The following CD163L1 variants were observed in gnomAD, a reference collection of about 807,000 sequenced individuals.
The protein encoded by CD163L1 is CD163 molecule like 1, also known as scavenger receptor cysteine-rich type 1 protein M160.
A neutral mutation model predicts 165.4 loss-of-function variants in CD163L1; 124 were observed. The observed-to-expected ratio is 0.75, with a 90% CI of 0.65 to 0.87. CD163L1 has a LOEUF of 0.87. CD163L1 is among the 40% of genes least tolerant of loss of function. The pLI, the probability that CD163L1 is intolerant of heterozygous loss-of-function variation, is 0.00. For synonymous variants in CD163L1, 585 were observed against 662.2 expected, an observed-to-expected ratio of 0.88 and a Z score of 1.79; for missense variants, 1,525 against 1,799.9, an observed-to-expected ratio of 0.85 and a Z score of 2.76.
Position 7,374,728 on chromosome 12 carries a change from C to T in CD163L1, c.3123G>A (p.Gly1041=), listed in dbSNP as rs1947225362. 6.2e-7 allele frequency: 1 copy of T among 1,613,818 alleles called. No homozygotes were observed. Among genetic ancestry groups the T allele is most frequent in the Non-Finnish European group, 8.5e-7 (1 of 1,179,810 alleles). The stretch of plus-strand genomic sequence containing the variant: ...CTACTCTCCCGGCACAGCGGCTGTC[C>T]CCATCCACTAGGCGGAGCCGTTTGT... The part of the protein sequence containing the change: ...LEDKRLRLVD[G]DSRCAGRVEI... The change falls in exon 13 of 20, where the codon GGG becomes GGA. Residue 1041 remains glycine, a synonymous_variant. Coordinates refer to ENST00000313599, the MANE Select transcript of CD163L1 (RefSeq NM_174941.6). This position sits in a 1 kb window ranked among gnomAD's most constrained non-coding sequence, Gnocchi z 5.4.
Position 7,359,470 on chromosome 12 carries a change from A to G in CD163L1, c.4280-1984T>C, listed in dbSNP as rs117612886. On this transcript the variant is annotated intron_variant, in intron 18 of 19. Coordinates refer to ENST00000313599, the MANE Select transcript of CD163L1 (RefSeq NM_174941.6). ...GAGGGAGTATAATATTTAGTGTGAA[A>G]AAAAGAACCATCAACTTAGAATTCT... 3.6e-3 allele frequency among the ~76,000 whole-genome samples: 552 copies of G among 152,240 alleles called. 2 individuals are homozygous for G. Among genetic ancestry groups the G allele is most frequent in the Non-Finnish European group, 4.5e-3 (307 of 67,984 alleles).
chr12:7,343,748 A>G (rs1946651688), downstream of CD163L1, among the ~76,000 whole-genome samples: 1 of 152,166 alleles, frequency 6.6e-6, no homozygotes, highest in Non-Finnish European at 1.5e-5. Context: ...TGGGTGGGAC[A>G]AATATCCAAA....
rs980378270 is a variant in CD163L1, at chr12:7,369,288, G to T, written c.4039+69C>A. 1.3e-6 allele frequency: 2 copies of T among 1,484,984 alleles called. No individual in the cohort carries two copies. The highest frequency in any genetic ancestry group is 1.8e-5 in the Admixed American group (1 of 55,918). The allele number at this position is 1,484,984 out of a possible 1,614,324, so 92.0% of individuals were successfully genotyped here. A position where few individuals can be genotyped will look rare whatever the true frequency, so the allele number is the denominator to read the frequency against. On this transcript the variant is annotated intron_variant, in intron 15 of 19. Coordinates refer to ENST00000313599, the MANE Select transcript of CD163L1 (RefSeq NM_174941.6). The surrounding 1 kb of genome is among the most constrained non-coding windows in gnomAD (Gnocchi z 4.9). ...GTATCTTCAGCTCAACTCTCTGAGT[G>T]AGCCTGTTTCCCAGTGTTCTCTACC...
rs758167991 is a variant in CD163L1, at chr12:7,403,650, A to G, written c.1293T>C (p.Ile431=). ...CAGTGCAAGATATGCTGTTTATCCA[A>G]ATGTCTCTAGCTTCATTACTAGGTT... ...RAKPSNEARD[I]WINSISCTGN... is the part of the protein sequence containing the mutation. Residue 431 remains isoleucine, a synonymous_variant, in exon 6 of 20, where the codon ATT becomes ATC. Coordinates refer to ENST00000313599, the MANE Select transcript of CD163L1 (RefSeq NM_174941.6). 5 of 1,613,880 alleles carry G rather than the reference A, an allele frequency of 3.1e-6. No homozygotes were observed. In the African/African-American group the frequency reaches 4.0e-5, roughly 13 times the overall value.
At position 7,368,028 on chromosome 12, in the gene CD163L1, C is replaced by A; in HGVS notation, c.4183+59G>T. ...CTTCCATTCTGCAAGAATCCCCCAT[C>A]CTGTGTGCCCTTGGTGGCAGGTAAC... On this transcript the variant is annotated intron_variant, in intron 17 of 19. Coordinates refer to ENST00000313599, the MANE Select transcript of CD163L1 (RefSeq NM_174941.6). This position sits in a 1 kb window ranked among gnomAD's most constrained non-coding sequence, Gnocchi z 4.3. The A allele has an allele frequency of 1.0e-6, 1 of 962,296 alleles. No homozygotes were observed. Among genetic ancestry groups the A allele is most frequent in the Admixed American group, 1.8e-5 (1 of 56,252 alleles). The allele number at this position is 962,296 out of a possible 1,614,324, so 59.6% of individuals were successfully genotyped here. A position where few individuals can be genotyped will look rare whatever the true frequency, so the allele number is the denominator to read the frequency against.
At chr12:7,389,146 G>A (rs921465367) in intron 8 of CD163L1, among the ~76,000 whole-genome samples, 2 of 152,148 alleles carry the variant, frequency 1.3e-5, no homozygotes, top group African/African-American at 4.8e-5. Flanking sequence ...GAATCACATG[G>A]TAGCCCAATT....
intron 11 of CD163L1, among the ~76,000 whole-genome samples, 153 bp from the exon 12 acceptor site, chr12:7,375,076 G>A (rs186678026): frequency 1.9e-4 from 29 of 152,180 alleles, no homozygotes; most frequent in East Asian, 1.5e-3. Context: ...ATGTCTACTC[G>A]TAAATCCCAA....
In CD163L1 at chr12:7,433,540, A is replaced by T. The variant is rs1240644880; in HGVS notation, c.279T>A (p.Phe93Leu). Residue 93 changes from phenylalanine (F) to leucine (L), a missense_variant, in exon 3 of 20, where the codon TTT (phenylalanine) becomes TTA (leucine). Phe to Leu is a conservative substitution (Grantham distance 22). Transcript: ENST00000313599. The part of the protein sequence containing the change: ...TVVCKQLGCP[F>L]SFAMFRFGQA... Reference sequence around the variant, plus strand: ...GTCCAAAACGAAACATGGCGAAAGAAAATGGACATCCAAGCTGTTTGCACA... The same window carrying T: ...GTCCAAAACGAAACATGGCGAAAGATAATGGACATCCAAGCTGTTTGCACA... 6.2e-7 allele frequency: 1 copy of T among 1,614,220 alleles called. No homozygotes were observed. Among genetic ancestry groups the T allele is most frequent in the Admixed American group, 1.7e-5 (1 of 60,014 alleles).
At chr12:7,443,765 G>A (rs1565823316) in intron 1 of CD163L1, among the ~76,000 whole-genome samples, 1 of 152,092 alleles carries the variant, frequency 6.6e-6, no homozygotes. Flanking sequence ...AGCATTTACT[G>A]TAGTACCTGG....
Position 7,368,803 on chromosome 12 carries a change from G to T in CD163L1, c.4072+130C>A. The stretch of plus-strand genomic sequence containing the variant: ...AGTCACAGAGCTATTGATACCACTG[G>T]CTGCGACCCACAGACTCATATTTCT... On this transcript the variant is annotated intron_variant, in intron 16 of 19. Transcript: ENST00000313599. This position sits in a 1 kb window ranked among gnomAD's most constrained non-coding sequence, Gnocchi z 4.3. 1 of 980,766 alleles carries T rather than the reference G, an allele frequency of 1.0e-6. No individual in the cohort carries two copies. Among genetic ancestry groups the T allele is most frequent in the Non-Finnish European group, 1.6e-6 (1 of 623,304 alleles). The allele number at this position is 980,766 out of a possible 1,614,324, so 60.8% of individuals were successfully genotyped here. A position where few individuals can be genotyped will look rare whatever the true frequency, so the allele number is the denominator to read the frequency against.
chr12:7,437,964 T>A (rs1329738351), intron 2 of CD163L1, among the ~76,000 whole-genome samples: 1 of 152,126 alleles, frequency 6.6e-6, no homozygotes, highest in African/African-American at 2.4e-5. Flanking sequence ...ATGACTATTT[T>A]ACTTCTCCAT....
At chr12:7,380,413 G>GTATA (rs766925899) in intron 8 of CD163L1, among the ~76,000 whole-genome samples, 5 of 151,224 alleles carry the variant, frequency 3.3e-5, no homozygotes, top group African/African-American at 1.2e-4. Context: ...ATGTATGTGT[G>GTATA]TATATATATA....
chr12:7,421,486 T>TATATACATATATATACATATAC (rs1565810131), intron 4 of CD163L1, among the ~76,000 whole-genome samples: 1 of 105,036 alleles, frequency 9.5e-6, no homozygotes, highest in Admixed American at 9.6e-5. Context: ...TATATGTACA[T>TATATACATATATATACATATAC]ATATACATAT....
chr12:7,328,951 A>G, the CD163L1 span, among the ~76,000 whole-genome samples: 1 of 149,188 alleles, frequency 6.7e-6, no homozygotes, highest in Non-Finnish European at 1.5e-5. Context: ...ATATGTATAT[A>G]TACTGTATAT....
rs1765418314 is a variant in CD163L1, at chr12:7,396,264, T to C, written c.1881A>G (p.Pro627=). The C allele has an allele frequency of 6.2e-7, 1 of 1,614,194 alleles. No individual in the cohort carries two copies. Among genetic ancestry groups the C allele is most frequent in the South Asian group, 1.1e-5 (1 of 91,088 alleles). Reference sequence around the variant, plus strand: ...CCAGACCCATGCCAATGATAGAAGATGGGCAGTCCAGCTGGCTACACACCA... The same window carrying C: ...CCAGACCCATGCCAATGATAGAAGACGGGCAGTCCAGCTGGCTACACACCA... ...AAVVCSQLDC[P]SSIIGMGLGN... The change falls in exon 8 of 20, where the codon CCA becomes CCG. Residue 627 remains proline, a synonymous_variant. Transcript: ENST00000313599.
chr12:7,439,460 T>C (rs763250071), intron 2 of CD163L1: 1 of 1,583,584 alleles, frequency 6.3e-7, no homozygotes, highest in Non-Finnish European at 8.5e-7. Flanking sequence ...TCTTTTAGCT[T>C]CCCGGCCTTT....
chr12:7,357,087 T>C (rs970951561), intron 19 of CD163L1, among the ~76,000 whole-genome samples: 1 of 152,130 alleles, frequency 6.6e-6, no homozygotes, highest in African/African-American at 2.4e-5. Flanking sequence ...AGGTTATCAA[T>C]GAGCAGTATG....
rs1376666187 is a variant in CD163L1 at position 7,444,001 on chromosome 12, T to G, written c.31+96A>C. 1.8e-5 allele frequency: 22 copies of G among 1,210,468 alleles called. No individual in the cohort carries two copies. In the East Asian group the frequency reaches 5.1e-4, roughly 28 times the overall value. 75.0% of individuals were successfully genotyped at this position (1,210,468 alleles called of 1,614,324 possible). Reference sequence around the variant, plus strand: ...TCTCATGTCCTGTTTTCTTTTTACCTTACTACATAATATTTATATCTGTTT... The same window carrying G: ...TCTCATGTCCTGTTTTCTTTTTACCGTACTACATAATATTTATATCTGTTT... On this transcript the variant is annotated intron_variant, in intron 1 of 19. Transcript: ENST00000313599.
intron 18 of CD163L1, among the ~76,000 whole-genome samples, chr12:7,362,621 T>C (rs1946927624): frequency 6.9e-6 from 1 of 145,136 alleles, no homozygotes; most frequent in Non-Finnish European, 1.5e-5. Flanking sequence ...TATAATATAG[T>C]ATAAATATAA....
Sources: allele counts gnomAD v4.1 joint callset (sites outside exome capture counted in the v4.1 genomes callset), GRCh38; gene constraint gnomAD v4.1.1; non-coding constraint Gnocchi (gnomAD v3.1); transcripts MANE v1.5; gene names NCBI Gene and HGNC (gene_info 2026-07-23, HGNC 2026-07-21).